Variants in GNAQ observed in about 807,000 individuals in gnomAD.
The protein encoded by GNAQ is guanine nucleotide-binding protein G(q) subunit alpha.
GNAQ carries 8 observed loss-of-function variants against 43.9 expected under a neutral mutation model. The observed-to-expected ratio is 0.18, with a 90% CI of 0.11 to 0.33. The LOEUF (loss-of-function observed/expected upper bound fraction) is 0.33, where lower values mean the gene tolerates loss of function less well. GNAQ is among the 10% of genes least tolerant of loss of function. The pLI, the probability that GNAQ is intolerant of heterozygous loss-of-function variation, is 1.00. For synonymous variants in GNAQ, 155 were observed against 170.7 expected (o/e 0.91, Z 0.71); for missense variants, 158 against 450.8 (o/e 0.35, Z 5.88).
intron 2 of GNAQ, among the ~76,000 whole-genome samples, chr9:77,825,611 ACAATG>A (rs1414998416): frequency 2.6e-5 from 4 of 152,244 alleles, no homozygotes; most frequent in Admixed American, 1.3e-4. Context: ...GATGCAGTTA[ACAATG>A]CATCTGGGAA....
chr9:77,928,486 G>A (rs1019400504), intron 1 of GNAQ, among the ~76,000 whole-genome samples: 1 of 152,154 alleles, frequency 6.6e-6, no homozygotes, highest in African/African-American at 2.4e-5. Context: ...TAAAGGAAAA[G>A]ACAGGCAAAA....
At chr9:77,848,894 C>T (rs1236394335) in intron 2 of GNAQ, among the ~76,000 whole-genome samples, 3 of 152,104 alleles carry the variant, frequency 2.0e-5, no homozygotes, top group Admixed American at 6.5e-5. Flanking sequence ...GATAAATACC[C>T]GACAGCAAAA....
rs903844071 is a variant in GNAQ, at chr9:77,721,075, A to C, written c.*248T>G. 1.6e-5 allele frequency: 6 copies of C among 379,976 alleles called. No homozygotes were observed. Among genetic ancestry groups the C allele is most frequent in the Non-Finnish European group, 2.3e-5 (5 of 214,070 alleles). The allele number at this position is 379,976 out of a possible 1,614,324, so 23.5% of individuals were successfully genotyped here. ...AGAATTTAAAATACACTGAGTCACA[A>C]GGTTTTGCCTAAAAAAAAGATAGAG... is the stretch of plus-strand genomic sequence containing the variant. On this transcript the variant is annotated 3_prime_UTR_variant, in exon 7 of 7. Coordinates refer to ENST00000286548, the MANE Select transcript of GNAQ (RefSeq NM_002072.5).
intron 1 of GNAQ, among the ~76,000 whole-genome samples, chr9:77,999,493 G>C (rs1167678837): frequency 6.6e-6 from 1 of 152,150 alleles, no homozygotes; most frequent in Non-Finnish European, 1.5e-5. Flanking sequence ...AGCTGTCACA[G>C]AAAATGTTAT....
At chr9:77,817,832 A>G (rs766578723) in intron 2 of GNAQ, among the ~76,000 whole-genome samples, 5 of 152,182 alleles carry the variant, frequency 3.3e-5, no homozygotes, top group Non-Finnish European at 7.3e-5. Context: ...GTACGGACCA[A>G]GGAGGTCAAA....
intron 5 of GNAQ, among the ~76,000 whole-genome samples, chr9:77,762,551 G>C (rs1438427695): frequency 6.7e-6 from 1 of 149,962 alleles, no homozygotes; most frequent in African/African-American, 2.4e-5. Flanking sequence ...CCCCTACTGG[G>C]AAGTGAGGAG....
chr9:77,987,577 T>G (rs368622579), intron 1 of GNAQ, among the ~76,000 whole-genome samples: 1 of 152,264 alleles, frequency 6.6e-6, no homozygotes, highest in East Asian at 1.9e-4. Context: ...AGAGTTCTAA[T>G]CTATACATGA....
intron 2 of GNAQ, among the ~76,000 whole-genome samples, chr9:77,881,675 T>C (rs1370951680): frequency 6.6e-6 from 1 of 152,180 alleles, no homozygotes; most frequent in Non-Finnish European, 1.5e-5. Flanking sequence ...TGAGCCACCA[T>C]GCCTGGCTGG....
intron 6 of GNAQ, among the ~76,000 whole-genome samples, chr9:77,725,794 A>G (rs1351930584): frequency 6.6e-6 from 1 of 152,014 alleles, no homozygotes; most frequent in African/African-American, 2.4e-5. Context: ...AAAATCAGCA[A>G]CTGTGAAGTG....
At chr9:77,741,428 A>ATCT (rs1825652707) in intron 5 of GNAQ, among the ~76,000 whole-genome samples, 1 of 152,222 alleles carries the variant, frequency 6.6e-6, no homozygotes, top group South Asian at 2.1e-4. Context: ...CTGTCATTAT[A>ATCT]TCTTTGAGCC....
chr9:77,984,837 G>A (rs1823413726), intron 1 of GNAQ, among the ~76,000 whole-genome samples: 1 of 152,100 alleles, frequency 6.6e-6, no homozygotes, highest in African/African-American at 2.4e-5. Context: ...AAAGGGACCA[G>A]GCTCCCGAGT....
chr9:77,900,539 C>T (rs1174205356), intron 2 of GNAQ, among the ~76,000 whole-genome samples: 2 of 151,948 alleles, frequency 1.3e-5, no homozygotes, highest in African/African-American at 4.8e-5. Flanking sequence ...GGTTCACTCC[C>T]GTTCACTAAT....
At chr9:77,830,483 C>T (rs557442307) in intron 2 of GNAQ, among the ~76,000 whole-genome samples, 7 of 152,220 alleles carry the variant, frequency 4.6e-5, no homozygotes, top group Admixed American at 3.3e-4. Flanking sequence ...TCTAAGGAGT[C>T]GTTACTAAGT....
intron 5 of GNAQ, among the ~76,000 whole-genome samples, chr9:77,743,297 A>G (rs1002754508): frequency 1.3e-5 from 2 of 152,032 alleles, no homozygotes; most frequent in African/African-American, 4.8e-5. Context: ...AAAAAAAACA[A>G]ACAACATCAG....
At chr9:77,882,539 T>G (rs770924031) in intron 2 of GNAQ, among the ~76,000 whole-genome samples, 1 of 152,194 alleles carries the variant, frequency 6.6e-6, no homozygotes, top group Non-Finnish European at 1.5e-5. Context: ...ACAACCTGGG[T>G]TGATTATGCG....
chr9:77,925,052 G>C lies in GNAQ; in HGVS notation c.137-2707C>G, dbSNP rs926669152. On this transcript the variant is annotated intron_variant, in intron 1 of 6. Transcript: ENST00000286548. ...TTCAAAAGGTCCCAGCTCCTGCTGG[G>C]TGGCCCTCTCCATACTGCTGCTCTC... is the stretch of plus-strand genomic sequence containing the variant. 3.3e-5 allele frequency among the ~76,000 whole-genome samples: 5 copies of C among 152,160 alleles called. No homozygotes were observed. In the East Asian group the frequency reaches 9.7e-4, roughly 30 times the overall value.
chr9:77,966,974 G>T (rs1012584315), intron 1 of GNAQ, among the ~76,000 whole-genome samples: 2 of 152,214 alleles, frequency 1.3e-5, no homozygotes, highest in African/African-American at 4.8e-5. Flanking sequence ...CAGTCCGTCA[G>T]CGGCCGCTTT....
At chr9:77,954,790 T>C (rs1823022198) in intron 1 of GNAQ, among the ~76,000 whole-genome samples, 2 of 152,200 alleles carry the variant, frequency 1.3e-5, no homozygotes, top group Non-Finnish European at 2.9e-5. Flanking sequence ...AAGGGTCTCC[T>C]GAATCTTGCA....
chr9:77,885,533 A>T (rs771042177), intron 2 of GNAQ, among the ~76,000 whole-genome samples: 8 of 152,180 alleles, frequency 5.3e-5, no homozygotes, highest in African/African-American at 7.2e-5. Flanking sequence ...AAAGGGAGAA[A>T]AGTATAAATT....
Sources: gnomAD v4.1 joint callset for allele counts (sites outside exome capture counted in the v4.1 genomes callset) on GRCh38, gnomAD v4.1.1 for gene constraint, MANE v1.5 for transcripts, NCBI Gene and HGNC (gene_info 2026-07-23, HGNC 2026-07-21) for gene names.